RAP1A: variants seen among roughly 807,000 people sequenced by gnomAD.
The protein encoded by RAP1A is ras-related protein Rap-1A.
RAP1A carries 6 observed loss-of-function variants against 26.4 expected under a neutral mutation model. That is an observed-to-expected ratio of 0.23 (90% CI 0.12 to 0.45). RAP1A has a LOEUF of 0.45. Among genes scored for constraint, RAP1A ranks in the 20% least tolerant of loss-of-function variants. RAP1A has a pLI of 0.99. For missense variants in RAP1A, 121 were observed against 217.2 expected, an observed-to-expected ratio of 0.56 and a Z score of 2.78; for synonymous variants, 73 against 79.4, an observed-to-expected ratio of 0.92 and a Z score of 0.43.
chr1:111,648,480 G>T (rs1390661422), intron 1 of RAP1A: 3 of 546,834 alleles, frequency 5.5e-6, no homozygotes, highest in Non-Finnish European at 1.0e-5. Context: ...TTGATATTCA[G>T]CAGGGCCTCG....
intron 1 of RAP1A, among the ~76,000 whole-genome samples, chr1:111,663,807 A>G (rs2477429): frequency 0.28 from 42,725 of 151,912 alleles, 6,353 homozygotes; most frequent in East Asian, 0.36. Context: ...GGCATCTTTT[A>G]TCTGCATTTT....
chr1:111,554,055 A>G (rs535968040), intron 1 of RAP1A, among the ~76,000 whole-genome samples: 94 of 152,374 alleles, frequency 6.2e-4, no homozygotes, highest in African/African-American at 2.2e-3. Context: ...ATATGCACTA[A>G]AGCCAGAATT....
intron 1 of RAP1A, among the ~76,000 whole-genome samples, chr1:111,624,462 A>AG (rs1659330144): frequency 6.6e-6 from 1 of 152,226 alleles, no homozygotes; most frequent in Non-Finnish European, 1.5e-5. Context: ...CATAATTCAC[A>AG]TTCTCTCAGT....
intron 1 of RAP1A, among the ~76,000 whole-genome samples, chr1:111,558,685 G>GT (rs1197308225): frequency 6.6e-6 from 1 of 152,088 alleles, no homozygotes; most frequent in Admixed American, 6.5e-5. Flanking sequence ...AACCATCAAT[G>GT]TTTTTATTTC....
At chr1:111,658,315 G>T (rs1021228370) in intron 1 of RAP1A, among the ~76,000 whole-genome samples, 4 of 152,098 alleles carry the variant, frequency 2.6e-5, no homozygotes, top group African/African-American at 9.7e-5. Flanking sequence ...CTGCAGTCCA[G>T]CCTGGGCAAC....
chr1:111,632,371 A>G (rs893022858), intron 1 of RAP1A, among the ~76,000 whole-genome samples: 6 of 152,166 alleles, frequency 3.9e-5, no homozygotes, highest in Non-Finnish European at 8.8e-5. Context: ...AATGAATATC[A>G]TAGGAATGGA....
Position 111,623,981 on chromosome 1 carries a change from A to T in RAP1A, c.-28+4047A>T, listed in dbSNP as rs187855028. 8.0e-4 allele frequency among the ~76,000 whole-genome samples: 122 copies of T among 152,338 alleles called. 1 individual carries two copies. Among genetic ancestry groups the T allele is most frequent in the Non-Finnish European group, 4.4e-4 (30 of 68,024 alleles). ...ACCTCAGATCACTTCTAATCTCGTG[A>T]TTCTAAAATTCTCTTATTTTAGTTG... is the stretch of plus-strand genomic sequence containing the variant. On this transcript the variant is annotated intron_variant, in intron 1 of 7. Transcript: ENST00000369709.
intron 1 of RAP1A, among the ~76,000 whole-genome samples, chr1:111,684,753 G>GT (rs1396325423): frequency 1.3e-5 from 2 of 152,038 alleles, no homozygotes; most frequent in African/African-American, 4.8e-5. Context: ...CTACCATTGA[G>GT]TTTCTTCACA....
At chr1:111,626,390 CACACACACACAT>C (rs1211255907) in intron 1 of RAP1A, among the ~76,000 whole-genome samples, 3 of 151,686 alleles carry the variant, frequency 2.0e-5, no homozygotes, top group East Asian at 1.9e-4. Context: ...CACACACACA[CACACACACACAT>C]ATGCATGTAT....
chr1:111,580,401 G>A (rs1277643719), intron 1 of RAP1A, among the ~76,000 whole-genome samples: 1 of 152,168 alleles, frequency 6.6e-6, no homozygotes, highest in African/African-American at 2.4e-5. Context: ...TTTTTGAGAT[G>A]GTTGTAAGGC....
At chr1:111,568,214 A>G (rs1657968304) in intron 1 of RAP1A, among the ~76,000 whole-genome samples, 1 of 152,218 alleles carries the variant, frequency 6.6e-6, no homozygotes, top group African/African-American at 2.4e-5. Context: ...TGGGTAATTT[A>G]TAAAGAAAAG....
chr1:111,597,747 C>T lies in RAP1A; in HGVS notation c.-28+55238C>T, dbSNP rs140972155. On this transcript the variant is annotated intron_variant, in intron 1 of 7. Coordinates refer to the RAP1A transcript ENST00000356415. ...ATACACCTAGAACAATTGAAGTTGG[C>T]GGTGGAGGGGTGGGAACTTTCCTCT... Among the ~76,000 whole-genome samples the T allele has an allele frequency of 9.2e-5, 14 of 152,126 alleles. No homozygotes were observed. In the East Asian group the frequency reaches 1.2e-3, roughly 13 times the overall value.
chr1:111,551,446 T>C (rs1657254986), intron 1 of RAP1A, among the ~76,000 whole-genome samples: 1 of 152,208 alleles, frequency 6.6e-6, no homozygotes, highest in South Asian at 2.1e-4. Context: ...GAATTATAAT[T>C]AACATCTTAA....
intron 1 of RAP1A, among the ~76,000 whole-genome samples, chr1:111,566,926 A>C (rs1657930625): frequency 6.6e-6 from 1 of 150,414 alleles, no homozygotes; most frequent in African/African-American, 2.4e-5. Flanking sequence ...AATAATACCC[A>C]ATTATGAATT....
At chr1:111,621,297 TTTTCTTTCC>T (rs1012925242) in intron 1 of RAP1A, among the ~76,000 whole-genome samples, 2 of 152,184 alleles carry the variant, frequency 1.3e-5, no homozygotes, top group Non-Finnish European at 2.9e-5. Context: ...TATGTGTAGT[TTTTCTTTCC>T]TTGTGATGTA....
intron 7 of RAP1A, among the ~76,000 whole-genome samples, chr1:111,712,019 A>G (rs1451675691): frequency 6.6e-6 from 1 of 152,206 alleles, no homozygotes; most frequent in African/African-American, 2.4e-5. Flanking sequence ...AATAAAGAAT[A>G]TCTTATGGAA....
chr1:111,627,039 G>A (rs1447098330), intron 1 of RAP1A, among the ~76,000 whole-genome samples: 1 of 152,076 alleles, frequency 6.6e-6, no homozygotes, highest in Non-Finnish European at 1.5e-5. Flanking sequence ...CTTATTCCAA[G>A]TAATATGCCC....
chr1:111,703,992 C>G (rs1165202791), intron 5 of RAP1A, among the ~76,000 whole-genome samples: 1 of 151,962 alleles, frequency 6.6e-6, no homozygotes, highest in Non-Finnish European at 1.5e-5. Flanking sequence ...TAGTAGAGAC[C>G]AGGTCTCACT....
intron 1 of RAP1A, among the ~76,000 whole-genome samples, chr1:111,660,309 C>T (rs1418710635): frequency 6.6e-6 from 1 of 152,084 alleles, no homozygotes; most frequent in East Asian, 1.9e-4. Flanking sequence ...AAGATGTTTT[C>T]CCCCCCTCTG....
Sources: allele counts gnomAD v4.1 joint callset (sites outside exome capture counted in the v4.1 genomes callset), GRCh38; gene constraint gnomAD v4.1.1; transcripts MANE v1.5; gene names NCBI Gene and HGNC (gene_info 2026-07-23, HGNC 2026-07-21).